The following POLA1 variants were observed in gnomAD, a reference collection of about 807,000 sequenced individuals.
POLA1 encodes the protein DNA polymerase alpha catalytic subunit.
POLA1 carries 15 observed loss-of-function variants against 124.0 expected under a neutral mutation model. The observed-to-expected ratio is 0.12, with a 90% CI of 0.08 to 0.19. The LOEUF (loss-of-function observed/expected upper bound fraction) is 0.19, where lower values mean the gene tolerates loss of function less well. POLA1 is among the 10% of genes least tolerant of loss of function. The pLI is 1.00. For synonymous variants in POLA1, 408 were observed against 389.4 expected, an observed-to-expected ratio of 1.05 and a Z score of -0.56; for missense variants, 886 against 1,103.4, an observed-to-expected ratio of 0.80 and a Z score of 2.79.
chrX:24,949,548 C>T (rs1451944984), intron 36 of POLA1, among the ~76,000 whole-genome samples: 1 of 103,601 alleles, frequency 9.7e-6, no homozygotes, highest in East Asian at 3.0e-4. Flanking sequence ...TAACCAGCCC[C>T]CTCCCTTCCC....
intron 26 of POLA1, among the ~76,000 whole-genome samples, chrX:24,772,541 C>G (rs953692668): frequency 9.0e-6 from 1 of 110,520 alleles, no homozygotes; most frequent in African/African-American, 3.3e-5. Flanking sequence ...CTCCGTCCTC[C>G]AAGCCTCCAC....
At chrX:24,861,119 T>C (rs773618000) in intron 34 of POLA1, among the ~76,000 whole-genome samples, 1 of 112,483 alleles carries the variant, frequency 8.9e-6, no homozygotes, top group Non-Finnish European at 1.9e-5. Flanking sequence ...TGTTGTATTT[T>C]TTTATTTTTG....
chrX:24,710,664 G>GTTT (rs1191270484), intron 4 of POLA1, among the ~76,000 whole-genome samples: 13 of 86,669 alleles, frequency 1.5e-4, no homozygotes, highest in East Asian at 3.6e-4. Flanking sequence ...ATATGTTGTG[G>GTTT]TTTTTTTTTT....
intron 1 of POLA1, among the ~76,000 whole-genome samples, chrX:24,694,924 CTA>C (rs774241122): frequency 1.8e-5 from 2 of 112,052 alleles, no homozygotes; most frequent in African/African-American, 6.5e-5. Flanking sequence ...TTTTTTAAGA[CTA>C]TTTTGGAGAG....
At chrX:24,918,015 A>C (rs1001469311) in intron 35 of POLA1, among the ~76,000 whole-genome samples, 3 of 111,153 alleles carry the variant, frequency 2.7e-5, no homozygotes, top group Non-Finnish European at 5.7e-5. Context: ...AATTTGAAGC[A>C]GTCTGTCCGA....
chrX:24,820,611 A>G (rs984272964), intron 30 of POLA1, among the ~76,000 whole-genome samples: 1 of 110,294 alleles, frequency 9.1e-6, no homozygotes, highest in African/African-American at 3.3e-5. Flanking sequence ...TTTTTCTTCC[A>G]TGATTTCTTC....
chrX:24,737,369 T>C (rs761593780), intron 18 of POLA1, among the ~76,000 whole-genome samples: 4 of 111,733 alleles, frequency 3.6e-5, no homozygotes, highest in Non-Finnish European at 7.5e-5. Context: ...AGATATCATA[T>C]GAGCCTTGCA....
intron 26 of POLA1, among the ~76,000 whole-genome samples, chrX:24,750,368 T>A: frequency 8.8e-6 from 1 of 113,099 alleles, no homozygotes; most frequent in Non-Finnish European, 1.9e-5. Flanking sequence ...GCACTTGGTA[T>A]CTGGCTGGTG....
chrX:24,801,916 GGTGGGTGGGTGTGTGT>G (rs1569317018), intron 26 of POLA1, among the ~76,000 whole-genome samples: 4 of 59,896 alleles, frequency 6.7e-5, no homozygotes, highest in African/African-American at 3.7e-4. Context: ...CACTAGGAGA[GGTGGGTGGGTGTGTGT>G]GTGTGTGTGT....
At position 24,795,662 on chromosome X, in the gene POLA1, A is replaced by ATT. The variant is rs35044901; in HGVS notation, c.2965-14219_2965-14218dup. Among the ~76,000 whole-genome samples, 289 of 94,140 alleles carry ATT rather than the reference A, an allele frequency of 3.1e-3. 2 individuals carry two copies. Among genetic ancestry groups the ATT allele is most frequent in the African/African-American group, 0.01 (265 of 25,952 alleles). 81.7% of individuals were successfully genotyped at this position (94,140 alleles called of 115,157 possible). ...GAAGTTGTCTCCAAGAGAAAGAAAG[A>ATT]TTTTTTTTTTTTTTTTTTGGATGTA... On this transcript the variant is annotated intron_variant, in intron 26 of 36. Coordinates refer to ENST00000379068, the MANE Select transcript of POLA1 (RefSeq NM_001330360.2).
At chrX:24,717,902 C>T (rs1347645978) in intron 10 of POLA1, 144 bp downstream of exon 10, 1 of 425,286 alleles carries the variant, frequency 2.4e-6, no homozygotes, top group East Asian at 4.0e-5. Context: ...TCCTTAAATA[C>T]TTGAGTCACT....
intron 36 of POLA1, among the ~76,000 whole-genome samples, chrX:24,949,951 C>T (rs188090975): frequency 1.3e-4 from 14 of 110,294 alleles, no homozygotes; most frequent in Non-Finnish European, 2.3e-4. Flanking sequence ...CCAGGCTGGT[C>T]TCCAACTCCT....
In POLA1 at chrX:24,858,735, C is replaced by T. The variant is rs768064120; in HGVS notation, c.4047+15058C>T. ...GTGGGAACTTTGAAAATTTTTCAAA[C>T]TTGTTTTACTTAGCTACCTGTCTAC... On this transcript the variant is annotated intron_variant, in intron 34 of 36. Coordinates refer to ENST00000379068, the MANE Select transcript of POLA1 (RefSeq NM_001330360.2). Among the ~76,000 whole-genome samples the T allele has an allele frequency of 2.7e-5, 3 of 112,175 alleles. No individual in the cohort carries two copies. In the East Asian group the frequency reaches 8.4e-4, roughly 31 times the overall value.
At chrX:24,783,336 A>ATAG (rs1686258240) in intron 26 of POLA1, among the ~76,000 whole-genome samples, 1 of 111,719 alleles carries the variant, frequency 9.0e-6, no homozygotes, top group Non-Finnish European at 1.9e-5. Context: ...GTGAAAGCAC[A>ATAG]TAGTGATATA....
intron 4 of POLA1, among the ~76,000 whole-genome samples, chrX:24,708,859 G>A (rs1929018077): frequency 2.9e-5 from 1 of 33,939 alleles, no homozygotes; most frequent in Non-Finnish European, 5.6e-5. Context: ...ATTCCACAAA[G>A]CTGCCATTGT....
intron 35 of POLA1, among the ~76,000 whole-genome samples, chrX:24,923,726 C>T (rs1347018150): frequency 8.9e-6 from 1 of 111,876 alleles, no homozygotes; most frequent in East Asian, 2.8e-4. Context: ...TGAAGTAATC[C>T]AAATAAGTTA....
chrX:24,760,291 A>G (rs1932773840), intron 26 of POLA1, among the ~76,000 whole-genome samples: 2 of 111,655 alleles, frequency 1.8e-5, no homozygotes, highest in Admixed American at 1.9e-4. Context: ...GAAAACCAAA[A>G]TATTGACCTC....
At chrX:24,781,536 T>A (rs188332999) in intron 26 of POLA1, among the ~76,000 whole-genome samples, 97 of 111,974 alleles carry the variant, frequency 8.7e-4, no homozygotes, top group Middle Eastern at 9.2e-3. Flanking sequence ...CACTGGATAT[T>A]AGAGTAAATT....
At chrX:24,782,611 C>T (rs2045287809) in intron 26 of POLA1, among the ~76,000 whole-genome samples, 1 of 111,401 alleles carries the variant, frequency 9.0e-6, no homozygotes, top group African/African-American at 3.3e-5. Context: ...TTTTTACCCT[C>T]AGAGGGTATC....
Sources: allele counts gnomAD v4.1 joint callset (sites outside exome capture counted in the v4.1 genomes callset), GRCh38; gene constraint gnomAD v4.1.1; transcripts MANE v1.5; gene names NCBI Gene and HGNC (gene_info 2026-07-23, HGNC 2026-07-21).